Variants in C8A observed in about 807,000 individuals in gnomAD.
The protein encoded by C8A is complement C8 alpha chain.
Under a neutral mutation model 65.3 loss-of-function variants are expected in C8A, and 67 were observed. The ratio of observed to expected loss-of-function variants is 1.03; its 90% confidence interval spans 0.84 to 1.26. The LOEUF (loss-of-function observed/expected upper bound fraction) is 1.26. C8A is among the 50% of genes most tolerant of loss of function. The probability of loss-of-function intolerance (pLI) is 0.00; values close to 1 mark genes in which losing one functional copy is unlikely to be tolerated. For synonymous variants in C8A, 290 were observed against 259.4 expected (o/e 1.12, Z -1.13); for missense variants, 781 against 723.9 (o/e 1.08, Z -0.90).
chr1:56,862,321 A>G (rs574092492), intron 1 of C8A, among the ~76,000 whole-genome samples: 1 of 151,806 alleles, frequency 6.6e-6, no homozygotes, highest in South Asian at 2.1e-4. Flanking sequence ...TTTCTTTTAC[A>G]TCGGTGTTTC....
In C8A at chr1:56,886,010, A is replaced by T; in HGVS notation, c.939A>T (p.Gly313=). The change falls in exon 7 of 11, where the codon GGA becomes GGT. Residue 313 remains glycine, a synonymous_variant. Transcript: ENST00000361249. Reference sequence around the variant, plus strand: ...AGGATGACATTATGCTGGATGAAGGAATGCTGCAGTCATTAATGGAGCTTC... The same window carrying T: ...AGGATGACATTATGCTGGATGAAGGTATGCTGCAGTCATTAATGGAGCTTC... ...MRKDDIMLDE[G]MLQSLMELPD... The T allele has an allele frequency of 6.2e-7, 1 of 1,614,064 alleles. No homozygotes were observed. Among genetic ancestry groups the T allele is most frequent in the Non-Finnish European group, 8.5e-7 (1 of 1,179,952 alleles).
rs1265546681 is a variant in C8A, at chr1:56,860,227, T to G, written c.77+5249T>G. ...TGAAGGGCGGTAGTGAGAAGCCGGG[T>G]GAAGAGCAGGGTAAAGCGGAGGGAT... is the stretch of plus-strand genomic sequence containing the variant. On this transcript the variant is annotated intron_variant, in intron 1 of 10. Transcript: ENST00000361249. Among the ~76,000 whole-genome samples, 4 of 152,086 alleles carry G rather than the reference T, an allele frequency of 2.6e-5. No homozygotes were observed. In the East Asian group the frequency reaches 7.7e-4, roughly 29 times the overall value.
chr1:56,916,339 C>A (rs1009972232), intron 10 of C8A, among the ~76,000 whole-genome samples: 1 of 152,198 alleles, frequency 6.6e-6, no homozygotes, highest in Non-Finnish European at 1.5e-5. Flanking sequence ...TCATACTGAA[C>A]TTTCAGCCTG....
intron 10 of C8A, among the ~76,000 whole-genome samples, chr1:56,915,960 C>A (rs1205735731): frequency 3.3e-5 from 5 of 152,268 alleles, no homozygotes; most frequent in East Asian, 1.9e-4. Context: ...CAGATGTGAG[C>A]CTTGCCAGAG....
In C8A at chr1:56,888,130, TA is replaced by T. The variant is rs901821076; in HGVS notation, c.1096+1971del. 4.6e-5 allele frequency among the ~76,000 whole-genome samples: 7 copies of T among 151,944 alleles called. No homozygotes were observed. The East Asian group carries it at 5.8e-4, about 13-fold the overall frequency. On this transcript the variant is annotated intron_variant, in intron 7 of 10. Coordinates refer to ENST00000361249, the MANE Select transcript of C8A (RefSeq NM_000562.3). ...CATGTATCCCAGAACTTAAAGTATA[TA>T]AAAAAAATTTCCAAATGTTAGTATT...
intron 7 of C8A, among the ~76,000 whole-genome samples, chr1:56,892,207 A>G (rs1054005948): frequency 6.6e-6 from 1 of 151,798 alleles, no homozygotes; most frequent in African/African-American, 2.4e-5. Context: ...CTCACCCTAA[A>G]CCCTTCAAGC....
intron 10 of C8A, among the ~76,000 whole-genome samples, 184 bp downstream of exon 10, chr1:56,912,809 A>G (rs536214167): frequency 6.6e-6 from 1 of 152,324 alleles, no homozygotes; most frequent in East Asian, 1.9e-4. Flanking sequence ...TGTCCTTGCC[A>G]TCAAGACCTT....
intron 10 of C8A, 145 bp downstream of exon 10, chr1:56,912,770 AC>A: frequency 1.4e-6 from 1 of 729,020 alleles, no homozygotes; most frequent in Non-Finnish European, 2.4e-6. Flanking sequence ...TCTGTTACTC[AC>A]CCATCACATT....
intron 2 of C8A, among the ~76,000 whole-genome samples, chr1:56,874,670 C>G (rs1017626665): frequency 1.3e-5 from 2 of 152,150 alleles, no homozygotes; most frequent in Non-Finnish European, 1.5e-5. Context: ...GAAGAGGGAA[C>G]AGAGGTTATT....
rs1389702752 is a variant in C8A at position 56,854,979 on chromosome 1, G to GT, written c.77+2dup. 1 of 1,612,480 alleles carries GT rather than the reference G, an allele frequency of 6.2e-7. No homozygotes were observed. Among genetic ancestry groups the GT allele is most frequent in the Admixed American group, 1.7e-5 (1 of 59,946 alleles). ...TAACTGCACAGGAGAAGGTGAACCA[G>GT]TAAGTGGGCCATATGTCTCTGCAAA... On this transcript the variant is annotated splice_donor_variant, in intron 1 of 10. Coordinates refer to ENST00000361249, the MANE Select transcript of C8A (RefSeq NM_000562.3). LOFTEE classifies it high-confidence loss of function.
intron 1 of C8A, among the ~76,000 whole-genome samples, chr1:56,855,636 G>GT (rs5774310): frequency 4.9e-4 from 72 of 146,848 alleles, no homozygotes; most frequent in South Asian, 2.1e-3. Context: ...TGCTTCATGG[G>GT]TTTTTTTTTT....
In C8A at chr1:56,857,063, T is replaced by TA. The variant is rs530495119; in HGVS notation, c.77+2086dup. On this transcript the variant is annotated intron_variant, in intron 1 of 10. Transcript: ENST00000361249. ...TTTTAATGTATTGGGATTTGTTTTT[T>TA]ACTAAGAGTGTGATCAACCTTAGTG... Among the ~76,000 whole-genome samples, 369 of 152,198 alleles carry TA rather than the reference T, an allele frequency of 2.4e-3. 2 individuals are homozygous for TA. The highest frequency in any genetic ancestry group is 4.7e-3 in the Non-Finnish European group (317 of 67,916).
chr1:56,876,778 T>G (rs1644202823), intron 4 of C8A, among the ~76,000 whole-genome samples: 1 of 152,058 alleles, frequency 6.6e-6, no homozygotes, highest in East Asian at 2.0e-4. Context: ...TCATTCACCT[T>G]ATGTTCAGGG....
chr1:56,876,290 G>T, intron 4 of C8A, 81 bp downstream of exon 4: 1 of 1,557,234 alleles, frequency 6.4e-7, no homozygotes, highest in South Asian at 1.1e-5. Context: ...GGACAGAAGG[G>T]GGCCATTTTG....
chr1:56,884,439 T>C (rs1192426859), intron 6 of C8A, among the ~76,000 whole-genome samples: 1 of 152,162 alleles, frequency 6.6e-6, no homozygotes, highest in Non-Finnish European at 1.5e-5. Context: ...CTCAATTGCA[T>C]TAATACCAAG....
At position 56,908,007 on chromosome 1, in the gene C8A, G is replaced by C. The variant is rs1327608784; in HGVS notation, c.1274G>C (p.Gly425Ala). The change falls in exon 9 of 11, where the codon GGT becomes GCT. Residue 425 changes from glycine to alanine, a missense_variant. By Grantham distance (60) the Gly-to-Ala change is moderately conservative (BLOSUM62 0). Coordinates refer to ENST00000361249, the MANE Select transcript of C8A (RefSeq NM_000562.3). ...AVEDIISRVR[G>A]GSSGWSGGLA... ...GAAGACATTATTTCTCGGGTGCGAG[G>C]TGGCAGTTCTGGCTGGAGCGGTGGC... 1 of 1,614,184 alleles carries C rather than the reference G, an allele frequency of 6.2e-7. No individual in the cohort carries two copies. The highest frequency in any genetic ancestry group is 2.2e-5 in the East Asian group (1 of 44,884).
chr1:56,875,160 G>A (rs763140712), intron 3 of C8A, 67 bp downstream of exon 3: 20 of 1,568,428 alleles, frequency 1.3e-5, no homozygotes, highest in Non-Finnish European at 1.7e-5. Context: ...ACTTCCCCAG[G>A]GAGCTTATTA....
chr1:56,864,617 A>G (rs1644066550), intron 1 of C8A, among the ~76,000 whole-genome samples: 1 of 152,146 alleles, frequency 6.6e-6, no homozygotes, highest in Non-Finnish European at 1.5e-5. Flanking sequence ...CAGATAAGGA[A>G]AAGGAGCAAC....
chr1:56,876,579 C>G (rs1231679568), intron 4 of C8A, among the ~76,000 whole-genome samples: 1 of 151,914 alleles, frequency 6.6e-6, no homozygotes, highest in Non-Finnish European at 1.5e-5. Flanking sequence ...TAGCCCTGTT[C>G]CCAATCTGCT....
Sources: allele counts gnomAD v4.1 joint callset (sites outside exome capture counted in the v4.1 genomes callset), GRCh38; gene constraint gnomAD v4.1.1; transcripts MANE v1.5; gene names NCBI Gene and HGNC (gene_info 2026-07-23, HGNC 2026-07-21).